The following KIF3B variants were observed in gnomAD, a reference collection of about 807,000 sequenced individuals.
The protein encoded by KIF3B is kinesin-like protein KIF3B.
KIF3B carries 38 observed loss-of-function variants against 74.3 expected under a neutral mutation model. The observed-to-expected ratio is 0.51, with a 90% CI of 0.39 to 0.67. KIF3B has a LOEUF of 0.67. Among genes scored for constraint, KIF3B ranks in the 30% least tolerant of loss-of-function variants. The pLI, the probability that KIF3B is intolerant of heterozygous loss-of-function variation, is 0.00. For synonymous variants in KIF3B, 326 were observed against 342.5 expected (o/e 0.95, Z 0.53); for missense variants, 649 against 932.0 (o/e 0.70, Z 3.95).
intron 5 of KIF3B, among the ~76,000 whole-genome samples, chr20:32,324,564 G>T (rs2047893435): frequency 6.6e-6 from 1 of 152,152 alleles, no homozygotes; most frequent in African/African-American, 2.4e-5. Context: ...TAACGTTAAT[G>T]TGCAGCCTGG....
At chr20:32,314,647 A>G (rs1347176355) in intron 2 of KIF3B, among the ~76,000 whole-genome samples, 2 of 152,206 alleles carry the variant, frequency 1.3e-5, no homozygotes, top group Non-Finnish European at 2.9e-5. Context: ...ACAGGCTCAG[A>G]GGACTCACTG....
intron 1 of KIF3B, among the ~76,000 whole-genome samples, chr20:32,289,925 T>G (rs1388609063): frequency 6.6e-6 from 1 of 151,890 alleles, no homozygotes; most frequent in African/African-American, 2.4e-5. Context: ...TAAGTCTCTG[T>G]TTTTTTTCTC....
rs559688347 is a variant in KIF3B at position 32,332,468 on chromosome 20, C to T, written c.*1149C>T. On this transcript the variant is annotated 3_prime_UTR_variant, in exon 9 of 9. Transcript: ENST00000375712. ...CGAATCCTAGAACTGTGGCTCCCTC[C>T]AGGCAGAGCCTAAGATGCTGGTGAA... is the stretch of plus-strand genomic sequence containing the variant. The T allele has an allele frequency of 6.6e-6, 1 of 152,356 alleles. No individual in the cohort carries two copies. Among genetic ancestry groups the T allele is most frequent in the East Asian group, 1.9e-4 (1 of 5,188 alleles). 9.4% of individuals were successfully genotyped at this position (152,356 alleles called of 1,614,324 possible).
intron 1 of KIF3B, among the ~76,000 whole-genome samples, chr20:32,307,008 A>T (rs1029461320): frequency 6.6e-6 from 1 of 152,200 alleles, no homozygotes; most frequent in Non-Finnish European, 1.5e-5. Context: ...TATCAAGCAT[A>T]TAACATGCAT....
At chr20:32,322,653 TATATATTTATATATATATTTATATATTTA>T (rs1371684849) in intron 5 of KIF3B, among the ~76,000 whole-genome samples, 1 of 62,258 alleles carries the variant, frequency 1.6e-5, no homozygotes, top group Non-Finnish European at 2.5e-5. Context: ...TATATATTTT[TATATATTTATATATATATTTATATATTTA>T]TATATATTTA....
chr20:32,282,122 C>T (rs929367905), intron 1 of KIF3B, among the ~76,000 whole-genome samples: 8 of 152,074 alleles, frequency 5.3e-5, no homozygotes, highest in African/African-American at 1.9e-4. Flanking sequence ...CTCTTTGTGG[C>T]AGTGAATTTT....
chr20:32,313,701 A>ATTTTG (rs11472947), intron 2 of KIF3B, among the ~76,000 whole-genome samples: 51,701 of 150,654 alleles, frequency 0.34, 10,107 homozygotes, highest in East Asian at 0.74. Context: ...CTGTGCCCAT[A>ATTTTG]TTTTGTTTTG....
rs1262438372 is a variant in KIF3B, at chr20:32,322,768, TTA to T, written c.1749-3993_1749-3992del. ...TATTTATATATATATTTATATATAT[TTA>T]TATATATATTTATATATATTTATAT... On this transcript the variant is annotated intron_variant, in intron 5 of 8. Transcript: ENST00000375712. 3.8e-4 allele frequency among the ~76,000 whole-genome samples: 13 copies of T among 34,140 alleles called. 3 individuals carry two copies. Among genetic ancestry groups the T allele is most frequent in the Non-Finnish European group, 5.5e-4 (12 of 21,780 alleles). The allele number at this position is 34,140 out of a possible 152,430, so 22.4% of individuals were successfully genotyped here. A position where few individuals can be genotyped will look rare whatever the true frequency, so the allele number is the denominator to read the frequency against.
chr20:32,333,271 A>C lies in KIF3B; in HGVS notation c.*1952A>C, dbSNP rs1368147169. 1.3e-5 allele frequency: 2 copies of C among 152,154 alleles called. No homozygotes were observed. Among genetic ancestry groups the C allele is most frequent in the Non-Finnish European group, 2.9e-5 (2 of 68,040 alleles). The allele number at this position is 152,154 out of a possible 1,614,324, so 9.4% of individuals were successfully genotyped here. On this transcript the variant is annotated 3_prime_UTR_variant, in exon 9 of 9. Coordinates refer to ENST00000375712, the MANE Select transcript of KIF3B (RefSeq NM_004798.4). Reference sequence around the variant, plus strand: ...TGGTTACACGTGTCTCTCACACCACATTTCCTCAAAGCTAATCTGAATTCT... The same window carrying C: ...TGGTTACACGTGTCTCTCACACCACCTTTCCTCAAAGCTAATCTGAATTCT...
At chr20:32,326,623 G>C in intron 5 of KIF3B, 148 bp from the exon 6 acceptor site, 1 of 548,880 alleles carries the variant, frequency 1.8e-6, no homozygotes, top group Non-Finnish European at 3.3e-6. Context: ...TCAGCTCTTT[G>C]TATGATGTTA....
At chr20:32,319,576 G>GTTTTTTTTTTTTTTTTTTTTTTTT (rs1231130100) in intron 5 of KIF3B, among the ~76,000 whole-genome samples, 1 of 98,334 alleles carries the variant, frequency 1.0e-5, no homozygotes, top group Non-Finnish European at 2.1e-5. Context: ...TTTTTGTTTT[G>GTTTTTTTTTTTTTTTTTTTTTTTT]TTTTTGTTTT....
At position 32,310,651 on chromosome 20, in the gene KIF3B, T is replaced by C; in HGVS notation, c.874T>C (p.Tyr292His). 6.2e-7 allele frequency: 1 copy of C among 1,614,114 alleles called. No homozygotes were observed. Among genetic ancestry groups the C allele is most frequent in the Non-Finnish European group, 8.5e-7 (1 of 1,180,006 alleles). Residue 292 changes from tyrosine to histidine, a missense_variant, in exon 2 of 9, where the codon TAT becomes CAT. Transcript: ENST00000375712. This position sits in a 1 kb window ranked among gnomAD's most constrained non-coding sequence, Gnocchi z 6.5. Reference sequence around the variant, plus strand: ...GGACGGCAAAAGCACTCACATTCCATATCGGGACTCAAAGCTTACCAGGCT... The same window carrying C: ...GGACGGCAAAAGCACTCACATTCCACATCGGGACTCAAAGCTTACCAGGCT... ...LVDGKSTHIPYRDSKLTRLLQ... is the reference protein window; with the variant it reads ...LVDGKSTHIPHRDSKLTRLLQ...
At chr20:32,330,014 G>C in intron 7 of KIF3B, 127 bp from the exon 8 acceptor site, 1 of 754,316 alleles carries the variant, frequency 1.3e-6, no homozygotes, top group Non-Finnish European at 2.0e-6. Context: ...TTTCAGGCAG[G>C]CTCTTTCTTG....
chr20:32,319,123 G>A (rs113552057), intron 5 of KIF3B, among the ~76,000 whole-genome samples: 1 of 151,740 alleles, frequency 6.6e-6, no homozygotes, highest in African/African-American at 2.4e-5. Context: ...ACCCTACTTG[G>A]CTAATTTTTG....
At chr20:32,323,891 T>C (rs1246075453) in intron 5 of KIF3B, among the ~76,000 whole-genome samples, 1 of 151,510 alleles carries the variant, frequency 6.6e-6, no homozygotes, top group Non-Finnish European at 1.5e-5. Flanking sequence ...AAAGTATATA[T>C]ATACATATTT....
chr20:32,311,265 TG>T, intron 2 of KIF3B, 84 bp downstream of exon 2: 1 of 1,382,232 alleles, frequency 7.2e-7, no homozygotes, highest in African/African-American at 1.5e-5. Flanking sequence ...CATAACCATA[TG>T]AGGGATGATG....
At chr20:32,306,591 T>C in intron 1 of KIF3B, among the ~76,000 whole-genome samples, 1 of 123,244 alleles carries the variant, frequency 8.1e-6, no homozygotes, top group East Asian at 2.3e-4. Context: ...CTTTTTTTTT[T>C]TTTTTTTTTT....
intron 1 of KIF3B, among the ~76,000 whole-genome samples, chr20:32,299,072 G>A (rs926315814): frequency 9.9e-5 from 15 of 151,932 alleles, no homozygotes; most frequent in Admixed American, 1.3e-4. Context: ...TTCTCACTCA[G>A]CCTATTTATT....
At position 32,331,302 on chromosome 20, in the gene KIF3B, G is replaced by T; in HGVS notation, c.2227G>T (p.Gly743Trp). Residue 743 changes from glycine (G) to tryptophan (W), a missense_variant, in exon 9 of 9, where the codon GGG (glycine) becomes TGG (tryptophan). By Grantham distance (184) the Gly-to-Trp change is radical. Coordinates refer to ENST00000375712, the MANE Select transcript of KIF3B (RefSeq NM_004798.4). The stretch of plus-strand genomic sequence containing the variant: ...ATCTCAGCTTTATCCACAGTCTCGG[G>T]GGCTGGTTCCAAAGTAAAGCCAGCT... ...PASQLYPQSR[G>W]LVPK The T allele has an allele frequency of 6.2e-7, 1 of 1,610,216 alleles. No homozygotes were observed. Among genetic ancestry groups the T allele is most frequent in the Non-Finnish European group, 8.5e-7 (1 of 1,179,086 alleles).
Sources: allele counts gnomAD v4.1 joint callset (sites outside exome capture counted in the v4.1 genomes callset), GRCh38; gene constraint gnomAD v4.1.1; non-coding constraint Gnocchi (gnomAD v3.1); transcripts MANE v1.5; gene names NCBI Gene and HGNC (gene_info 2026-07-23, HGNC 2026-07-21).